Variants in MAN2A1 observed in about 807,000 individuals in gnomAD.
MAN2A1 encodes the protein alpha-mannosidase 2.
A neutral mutation model predicts 142.6 loss-of-function variants in MAN2A1; 76 were observed. The observed-to-expected ratio is 0.53, with a 90% CI of 0.44 to 0.65. The LOEUF is 0.65. MAN2A1 is among the 30% of genes least tolerant of loss of function. MAN2A1 has a pLI of 0.00. For synonymous variants in MAN2A1, 559 were observed against 473.2 expected (o/e 1.18, Z -2.35); for missense variants, 1,311 against 1,365.1 (o/e 0.96, Z 0.62).
chr5:109,854,705 A>G (rs1464507721), intron 19 of MAN2A1: 2 of 153,272 alleles, frequency 1.3e-5, no homozygotes, highest in Non-Finnish European at 2.9e-5. Context: ...TGGTCTTGTT[A>G]AGGGGTATAA....
intron 12 of MAN2A1, among the ~76,000 whole-genome samples, chr5:109,804,479 G>A (rs1754113424): frequency 6.6e-6 from 1 of 151,998 alleles, no homozygotes; most frequent in South Asian, 2.1e-4. Context: ...TAGTTGGTTG[G>A]CTTGTGTGTT....
intron 1 of MAN2A1, among the ~76,000 whole-genome samples, chr5:109,695,052 A>G (rs1313539098): frequency 1.3e-5 from 2 of 152,200 alleles, no homozygotes. Context: ...AACAAACATT[A>G]GAGCCTTTTG....
chr5:109,778,210 C>T (rs1393681097), intron 8 of MAN2A1, among the ~76,000 whole-genome samples: 1 of 151,904 alleles, frequency 6.6e-6, no homozygotes, highest in Non-Finnish European at 1.5e-5. Flanking sequence ...TGTATTAATG[C>T]AATTGATTTT....
chr5:109,743,845 G>T (rs932561357), intron 4 of MAN2A1, among the ~76,000 whole-genome samples: 1 of 152,038 alleles, frequency 6.6e-6, no homozygotes, highest in Non-Finnish European at 1.5e-5. Flanking sequence ...GTCTCAAAAG[G>T]CACAGGCCAC....
intron 16 of MAN2A1, among the ~76,000 whole-genome samples, chr5:109,841,512 A>G (rs1755206261): frequency 6.6e-6 from 1 of 152,178 alleles, no homozygotes; most frequent in South Asian, 2.1e-4. Flanking sequence ...GATCTGTATT[A>G]AGTGTGTTGG....
chr5:109,713,738 T>A lies in MAN2A1; in HGVS notation c.354T>A (p.Phe118Leu). Reference protein sequence around the residue: ...SLSVDTADCLFASQSGSHNSD... With the variant: ...SLSVDTADCLLASQSGSHNSD... ...CAGTTGACACTGCAGACTGTCTGTT[T>A]GCTTCACAAAGTGGAAGTCACAATT... Residue 118 changes from phenylalanine (F) to leucine (L), a missense_variant, in exon 2 of 22, where the codon TTT (phenylalanine) becomes TTA (leucine). Phe to Leu is a conservative substitution (Grantham distance 22). Around this residue, in one of 3 missense-constraint regions of MAN2A1, gnomAD observed 409 missense variants for 412.7 expected, o/e 0.99. Transcript: ENST00000261483. The A allele has an allele frequency of 1.9e-6, 3 of 1,614,090 alleles. No homozygotes were observed. The highest frequency in any genetic ancestry group is 1.7e-6 in the Non-Finnish European group (2 of 1,180,000).
At chr5:109,758,312 G>A (rs377043689) in intron 5 of MAN2A1, among the ~76,000 whole-genome samples, 89 of 152,054 alleles carry the variant, frequency 5.9e-4, no homozygotes, top group African/African-American at 2.0e-3. Flanking sequence ...TATCAGCTGC[G>A]TATAGATCTT....
Position 109,842,806 on chromosome 5 carries a change from G to GTTTTTTGTTTTTTT in MAN2A1, c.2700+351_2700+352insGTTTTTTTTTTTTT, listed in dbSNP as rs1554082994. Among the ~76,000 whole-genome samples the GTTTTTTGTTTTTTT allele has an allele frequency of 8.9e-4, 103 of 116,158 alleles. 1 individual carries two copies. Among genetic ancestry groups the GTTTTTTGTTTTTTT allele is most frequent in the African/African-American group, 3.3e-3 (101 of 30,748 alleles). 76.2% of individuals were successfully genotyped at this position (116,158 alleles called of 152,430 possible). A position where few individuals can be genotyped will look rare whatever the true frequency, so the allele number is the denominator to read the frequency against. On this transcript the variant is annotated intron_variant, in intron 17 of 21. Transcript: ENST00000261483. ...GGGATTGATGGATTATACTTATTGG[G>GTTTTTTGTTTTTTT]TTTTTTTTTTTTTTTTTGAGAAAGA...
At chr5:109,841,454 G>A (rs897639980) in intron 16 of MAN2A1, among the ~76,000 whole-genome samples, 2 of 152,154 alleles carry the variant, frequency 1.3e-5, no homozygotes, top group African/African-American at 4.8e-5. Flanking sequence ...TCTCATGGAG[G>A]TCGCTGCAAA....
rs763227847 is a variant in MAN2A1, at chr5:109,817,441, A to G, written c.2109+3A>G. 23 of 1,613,548 alleles carry G rather than the reference A, an allele frequency of 1.4e-5. No individual in the cohort carries two copies. Among genetic ancestry groups the G allele is most frequent in the Non-Finnish European group, 1.8e-5 (21 of 1,179,732 alleles). Reference sequence around the variant, plus strand: ...CTATTTCAGAAACAGCCTATGAGGTATGTTGTAGCCATAGAACTTAAGGAG... The same window carrying G: ...CTATTTCAGAAACAGCCTATGAGGTGTGTTGTAGCCATAGAACTTAAGGAG... On this transcript the variant is annotated splice_donor_region_variant and intron_variant, in intron 13 of 21. Transcript: ENST00000261483.
intron 5 of MAN2A1, among the ~76,000 whole-genome samples, chr5:109,759,074 C>A (rs1432006696): frequency 1.3e-5 from 2 of 151,958 alleles, no homozygotes; most frequent in African/African-American, 4.8e-5. Flanking sequence ...GAATTTTAGG[C>A]CAGTTTATCA....
At chr5:109,823,158 G>A (rs1754672745) in intron 15 of MAN2A1, among the ~76,000 whole-genome samples, 1 of 152,114 alleles carries the variant, frequency 6.6e-6, no homozygotes, top group African/African-American at 2.4e-5. Flanking sequence ...AACTAAACTA[G>A]TGGTTTCCAA....
intron 19 of MAN2A1, among the ~76,000 whole-genome samples, chr5:109,848,829 C>G (rs889279100): frequency 2.6e-5 from 4 of 152,176 alleles, no homozygotes; most frequent in African/African-American, 9.7e-5. Context: ...ATTTCCATTT[C>G]CTGTAAGCTG....
At chr5:109,726,177 G>A (rs1329803587) in intron 3 of MAN2A1, among the ~76,000 whole-genome samples, 2 of 152,142 alleles carry the variant, frequency 1.3e-5, no homozygotes, top group Non-Finnish European at 2.9e-5. Flanking sequence ...GCAACTCAGT[G>A]TCCTAAGATT....
intron 6 of MAN2A1, among the ~76,000 whole-genome samples, chr5:109,768,041 T>C (rs150942922): frequency 2.0e-5 from 3 of 152,332 alleles, no homozygotes; most frequent in Non-Finnish European, 2.9e-5. Context: ...AGAACTGATA[T>C]CCAGTCATAT....
At chr5:109,797,109 A>G (rs745829992) in intron 12 of MAN2A1, among the ~76,000 whole-genome samples, 12 of 152,204 alleles carry the variant, frequency 7.9e-5, no homozygotes, top group African/African-American at 1.7e-4. Context: ...GTAAATGTCT[A>G]CTTCTTTGAG....
rs139400561 is a variant in MAN2A1, at chr5:109,830,235, T to C, written c.2566+6398T>C. 1.6e-3 allele frequency among the ~76,000 whole-genome samples: 243 copies of C among 152,324 alleles called. 2 individuals are homozygous for C. The highest frequency in any genetic ancestry group is 5.5e-3 in the African/African-American group (229 of 41,578). On this transcript the variant is annotated intron_variant, in intron 16 of 21. Coordinates refer to ENST00000261483, the MANE Select transcript of MAN2A1 (RefSeq NM_002372.4). Reference sequence around the variant, plus strand: ...AGACCCCTCTTATAAGGGAATCACATTGGGATTTGGAGATCCAAATCCTTA... The same window carrying C: ...AGACCCCTCTTATAAGGGAATCACACTGGGATTTGGAGATCCAAATCCTTA...
intron 4 of MAN2A1, among the ~76,000 whole-genome samples, chr5:109,747,005 A>C (rs2112614946): frequency 6.6e-6 from 1 of 152,298 alleles, no homozygotes; most frequent in Non-Finnish European, 1.5e-5. Context: ...GACAAAAACC[A>C]CAATTACTTT....
chr5:109,808,964 A>T (rs139792667), intron 12 of MAN2A1, among the ~76,000 whole-genome samples: 2 of 151,992 alleles, frequency 1.3e-5, no homozygotes, highest in Non-Finnish European at 2.9e-5. Flanking sequence ...CGGCCTCCCA[A>T]AGTGCTAGGA....
Sources: gnomAD v4.1 joint callset for allele counts (sites outside exome capture counted in the v4.1 genomes callset) on GRCh38, gnomAD v4.1.1 for gene constraint, gnomAD v4.1.1 regional missense constraint, MANE v1.5 for transcripts, NCBI Gene and HGNC (gene_info 2026-07-23, HGNC 2026-07-21) for gene names.